The following GPR149 variants were observed in gnomAD, a reference collection of about 807,000 sequenced individuals.
GPR149 encodes probable G protein-coupled receptor 149.
In GPR149, 50 loss-of-function variants were observed where a neutral mutation model predicts 50.2. The ratio of observed to expected loss-of-function variants is 1.00; its 90% confidence interval spans 0.79 to 1.26. The LOEUF (loss-of-function observed/expected upper bound fraction) is 1.26, where lower values mean the gene tolerates loss of function less well. GPR149 is among the 50% of genes most tolerant of loss of function. The probability of loss-of-function intolerance (pLI) is 0.00; values close to 1 mark genes in which losing one functional copy is unlikely to be tolerated. For missense variants in GPR149, 983 were observed against 895.4 expected (o/e 1.10, Z -1.25); for synonymous variants, 405 against 358.2 (o/e 1.13, Z -1.48).
rs1715199373 is a variant in GPR149 at position 154,392,752 on chromosome 3, C to T, written c.1623+28287G>A. Reference sequence around the variant, plus strand: ...AGAAATAAAACAGGAGACATTACAACTGATGGAACCAAACTATTAATAAAA... The same window carrying T: ...AGAAATAAAACAGGAGACATTACAATTGATGGAACCAAACTATTAATAAAA... On this transcript the variant is annotated intron_variant, in intron 3 of 3. Transcript: ENST00000389740. 2.6e-5 allele frequency among the ~76,000 whole-genome samples: 4 copies of T among 151,542 alleles called. 1 individual carries two copies. In the South Asian group the frequency reaches 8.3e-4, roughly 31 times the overall value.
rs566323770 is a variant in GPR149, at chr3:154,421,369, C to A, written c.1293G>T (p.Met431Ile). 3.5e-5 allele frequency: 57 copies of A among 1,612,768 alleles called. No individual in the cohort carries two copies. The Admixed American group carries it at 5.2e-4, about 15-fold the overall frequency. ...CTTTTGTAGTTTCACACTCAGAGTTCATCAGGTTGTGATAGAATATGGAAT... is the reference window on the plus strand; with the variant it reads ...CTTTTGTAGTTTCACACTCAGAGTTAATCAGGTTGTGATAGAATATGGAAT... The part of the protein sequence containing the change: ...DENSIFYHNL[M>I]NSECETTKDP... The change falls in exon 3 of 4, where the codon ATG (methionine) becomes ATT (isoleucine). Residue 431 changes from methionine (M) to isoleucine (I), a missense_variant. Transcript: ENST00000389740.
At chr3:154,347,112 G>A (rs973577184) in intron 3 of GPR149, among the ~76,000 whole-genome samples, 8 of 152,302 alleles carry the variant, frequency 5.3e-5, no homozygotes, top group Middle Eastern at 3.4e-3. Context: ...ATATAATTGA[G>A]TCATAGGGAG....
chr3:154,376,168 C>A (rs1454260227), intron 3 of GPR149, among the ~76,000 whole-genome samples: 2 of 152,120 alleles, frequency 1.3e-5, no homozygotes, highest in Non-Finnish European at 2.9e-5. Flanking sequence ...CTCTAGGAAA[C>A]CCTAGTTAAT....
intron 3 of GPR149, among the ~76,000 whole-genome samples, chr3:154,376,982 T>C (rs1002602704): frequency 6.6e-6 from 1 of 151,238 alleles, no homozygotes; most frequent in Non-Finnish European, 1.5e-5. Context: ...ATGTGTAAAG[T>C]ATTTAGAAGA....
At position 154,429,509 on chromosome 3, in the gene GPR149, A is replaced by C. The variant is rs1206025062; in HGVS notation, c.107T>G (p.Leu36Arg). ...AGTCATGAGACATGTCAAGCAAAAA[A>C]GATAGATATTCAGGGTTCCTGGCGG... ...LNPPGTLNIY[L>R]FCLTCLMTFA... Residue 36 changes from leucine to arginine, a missense_variant, in exon 1 of 4, where the codon CTT (leucine) becomes CGT (arginine). Leu to Arg is a moderately radical substitution (Grantham distance 102). Transcript: ENST00000389740. The C allele has an allele frequency of 6.2e-7, 1 of 1,614,100 alleles. No homozygotes were observed. Among genetic ancestry groups the C allele is most frequent in the Non-Finnish European group, 8.5e-7 (1 of 1,180,052 alleles).
Position 154,360,678 on chromosome 3 carries a change from C to A in GPR149, c.1624-22407G>T, listed in dbSNP as rs377743881. On this transcript the variant is annotated intron_variant, in intron 3 of 3. Transcript: ENST00000389740. Reference sequence around the variant, plus strand: ...TACTTAATATGAGGCAGATACTACTCCAGGGATCGGAGATACAAAATGATT... The same window carrying A: ...TACTTAATATGAGGCAGATACTACTACAGGGATCGGAGATACAAAATGATT... Among the ~76,000 whole-genome samples the A allele has an allele frequency of 7.2e-5, 11 of 152,190 alleles. No homozygotes were observed. The South Asian group carries it at 1.9e-3, about 26-fold the overall frequency.
rs368866337 is a variant in GPR149 at position 154,338,191 on chromosome 3, T to C, written c.1704A>G (p.Leu568=). Residue 568 remains leucine (L), a synonymous_variant, in exon 4 of 4, where the codon CTA becomes CTG. Transcript: ENST00000389740. ...CGCTTACCTCATAGGTAGAAAGAGA[T>C]AGGGTTTTCCCTGTAGGTGCATGGA... ...VSLHAPTGKT[L]SLSTYEVSAE... 2.4e-5 allele frequency: 38 copies of C among 1,614,092 alleles called. No homozygotes were observed. The African/African-American group carries it at 3.2e-4, about 14-fold the overall frequency.
Position 154,358,640 on chromosome 3 carries a change from CAAG to C in GPR149, c.1624-20372_1624-20370del, listed in dbSNP as rs1342958083. ...AAATGTCTGAGGTGGGAAGATACAA[CAAG>C]AATGAAAAGAAAGCAGATTATAAAC... On this transcript the variant is annotated intron_variant, in intron 3 of 3. Coordinates refer to ENST00000389740, the MANE Select transcript of GPR149 (RefSeq NM_001038705.3). 2.0e-5 allele frequency among the ~76,000 whole-genome samples: 3 copies of C among 152,008 alleles called. No individual in the cohort carries two copies. In the East Asian group the frequency reaches 5.8e-4, roughly 29 times the overall value.
chr3:154,411,849 G>A (rs1006324057), intron 3 of GPR149, among the ~76,000 whole-genome samples: 1 of 151,906 alleles, frequency 6.6e-6, no homozygotes. Context: ...AATCATTCTA[G>A]GAAGCCAGTA....
intron 3 of GPR149, among the ~76,000 whole-genome samples, chr3:154,398,848 G>C (rs2108416783): frequency 6.6e-6 from 1 of 152,180 alleles, no homozygotes; most frequent in Non-Finnish European, 1.5e-5. Flanking sequence ...AGGAAGATTG[G>C]ATCAAGTCAA....
intron 3 of GPR149, among the ~76,000 whole-genome samples, chr3:154,349,968 C>T (rs1489147980): frequency 6.6e-6 from 1 of 152,116 alleles, no homozygotes; most frequent in African/African-American, 2.4e-5. Context: ...GGGTTTTGCA[C>T]TGTCACCAAG....
rs1385618237 is a variant in GPR149, at chr3:154,337,361, C to G, written c.*338G>C. 6.6e-6 allele frequency among the ~76,000 whole-genome samples: 1 copy of G among 152,110 alleles called. No individual in the cohort carries two copies. The highest frequency in any genetic ancestry group is 1.5e-5 in the Non-Finnish European group (1 of 68,010). On this transcript the variant is annotated 3_prime_UTR_variant, in exon 4 of 4. Transcript: ENST00000389740. ...TGTATATAGAAACATATGCATGGAA[C>G]AGTATATTCACTGAGTTTATACAAT...
At chr3:154,382,665 T>C (rs531568295) in intron 3 of GPR149, among the ~76,000 whole-genome samples, 3 of 152,326 alleles carry the variant, frequency 2.0e-5, no homozygotes, top group South Asian at 2.1e-4. Flanking sequence ...CATTTAGTTT[T>C]CTTATGAGTA....
rs1218550701 is a variant in GPR149, at chr3:154,404,908, C to T, written c.1623+16131G>A. On this transcript the variant is annotated intron_variant, in intron 3 of 3. Coordinates refer to ENST00000389740, the MANE Select transcript of GPR149 (RefSeq NM_001038705.3). Reference sequence around the variant, plus strand: ...CAGCAGAAATTTAAATTATCTGCCTCACAAAGTAGTGAGAGCTGTCATCTT... The same window carrying T: ...CAGCAGAAATTTAAATTATCTGCCTTACAAAGTAGTGAGAGCTGTCATCTT... Among the ~76,000 whole-genome samples, 3 of 152,252 alleles carry T rather than the reference C, an allele frequency of 2.0e-5. No homozygotes were observed. In the East Asian group the frequency reaches 5.8e-4, roughly 29 times the overall value.
At chr3:154,405,737 A>C (rs1279271027) in intron 3 of GPR149, among the ~76,000 whole-genome samples, 1 of 151,984 alleles carries the variant, frequency 6.6e-6, no homozygotes, top group Non-Finnish European at 1.5e-5. Context: ...ATTTGGAAAA[A>C]ATATACAATT....
chr3:154,396,461 G>C (rs1295888785), intron 3 of GPR149, among the ~76,000 whole-genome samples: 1 of 151,994 alleles, frequency 6.6e-6, no homozygotes, highest in Non-Finnish European at 1.5e-5. Flanking sequence ...CTCTTCTTTT[G>C]CTTCAAAGTC....
chr3:154,411,590 A>G (rs998896858), intron 3 of GPR149, among the ~76,000 whole-genome samples: 2 of 152,148 alleles, frequency 1.3e-5, no homozygotes, highest in Admixed American at 1.3e-4. Context: ...CATAAACTAG[A>G]TAACCTAGAG....
At chr3:154,407,551 C>A (rs766893673) in intron 3 of GPR149, among the ~76,000 whole-genome samples, 1 of 151,974 alleles carries the variant, frequency 6.6e-6, no homozygotes, top group South Asian at 2.1e-4. Context: ...CTTGAATGAA[C>A]TCTGTAGTAG....
Position 154,338,271 on chromosome 3 carries a change from G to A in GPR149, c.1624C>T (p.Arg542Cys), listed in dbSNP as rs772084267. ...RSKSERTPRQRSGYALAIPLC... is the reference protein window; with the variant it reads ...RSKSERTPRQCSGYALAIPLC... ...GGAATGGCAAGGGCATAACCGGAAC[G>A]CTGGGGACAAAAACAAAATTGTTAT... is the stretch of plus-strand genomic sequence containing the variant. The change falls in exon 4 of 4, where the codon CGT becomes TGT. Residue 542 changes from arginine (R) to cysteine (C), a missense_variant and splice_region_variant. Arg to Cys is a radical substitution (Grantham distance 180). Coordinates refer to ENST00000389740, the MANE Select transcript of GPR149 (RefSeq NM_001038705.3). 20 of 1,533,578 alleles carry A rather than the reference G, an allele frequency of 1.3e-5. No individual in the cohort carries two copies. The highest frequency in any genetic ancestry group is 7.0e-5 in the African/African-American group (5 of 71,912). The allele number at this position is 1,533,578 out of a possible 1,614,324, so 95.0% of individuals were successfully genotyped here.
Sources: allele counts gnomAD v4.1 joint callset (sites outside exome capture counted in the v4.1 genomes callset), GRCh38; gene constraint gnomAD v4.1.1; transcripts MANE v1.5; gene names NCBI Gene and HGNC (gene_info 2026-07-23, HGNC 2026-07-21).